INVS: variants seen among roughly 807,000 people sequenced by gnomAD.
INVS encodes inversion of embryo turning homolog.
INVS carries 86 observed loss-of-function variants against 108.8 expected under a neutral mutation model. The ratio of observed to expected loss-of-function variants is 0.79; its 90% CI spans 0.66 to 0.95. The LOEUF is 0.95. Ranked by LOEUF, INVS falls within the 40% of genes least tolerant of loss-of-function variation. INVS has a pLI of 0.00. For synonymous variants in INVS, 455 were observed against 473.5 expected, an observed-to-expected ratio of 0.96 and a Z score of 0.51; for missense variants, 1,169 against 1,297.4, an observed-to-expected ratio of 0.90 and a Z score of 1.52.
intron 2 of INVS, among the ~76,000 whole-genome samples, chr9:100,106,174 GGTATCTAC>G (rs1246256388): frequency 1.3e-5 from 2 of 151,974 alleles, no homozygotes; most frequent in Middle Eastern, 3.2e-3. Context: ...CTTTCAGTAT[GGTATCTAC>G]AAATCTACCT....
At chr9:100,125,206 T>C (rs1827845239) in intron 2 of INVS, among the ~76,000 whole-genome samples, 1 of 152,220 alleles carries the variant, frequency 6.6e-6, no homozygotes, top group Non-Finnish European at 1.5e-5. Flanking sequence ...TACTACCTCA[T>C]TGCTATCCTT....
chr9:100,207,674 C>G (rs1418772467), intron 3 of INVS, among the ~76,000 whole-genome samples: 1 of 152,170 alleles, frequency 6.6e-6, no homozygotes, highest in Admixed American at 6.5e-5. Context: ...CAAATCCTCT[C>G]TCTTTTTAAA....
At chr9:100,205,345 A>T (rs1331972995) in intron 3 of INVS, among the ~76,000 whole-genome samples, 1 of 152,072 alleles carries the variant, frequency 6.6e-6, no homozygotes, top group East Asian at 1.9e-4. Flanking sequence ...TGTCATTTGG[A>T]TCAATAGTAA....
At chr9:100,298,179 C>T in intron 16 of INVS, 169 bp downstream of exon 16, 1 of 1,515,682 alleles carries the variant, frequency 6.6e-7, no homozygotes, top group Non-Finnish European at 8.8e-7. Context: ...CCCTAAGAGG[C>T]AAATTATTTT....
chr9:100,282,616 A>G (rs1293202663), intron 12 of INVS, among the ~76,000 whole-genome samples: 1 of 152,320 alleles, frequency 6.6e-6, no homozygotes, highest in South Asian at 2.1e-4. Flanking sequence ...AGTCCATAGC[A>G]GTCTGGATTC....
At chr9:100,219,296 C>T (rs779307947) in intron 3 of INVS, among the ~76,000 whole-genome samples, 2 of 152,120 alleles carry the variant, frequency 1.3e-5, no homozygotes, top group Admixed American at 6.6e-5. Flanking sequence ...CACCTCAATT[C>T]GGGAAATGCA....
chr9:100,201,610 T>C (rs936245956), intron 3 of INVS, among the ~76,000 whole-genome samples: 7 of 152,332 alleles, frequency 4.6e-5, no homozygotes, highest in African/African-American at 1.7e-4. Flanking sequence ...CTCAACCACT[T>C]GCTAATTATA....
At chr9:100,273,488 G>C (rs1180581685) in intron 12 of INVS, among the ~76,000 whole-genome samples, 1 of 139,818 alleles carries the variant, frequency 7.2e-6, no homozygotes, top group Non-Finnish European at 1.5e-5. Flanking sequence ...GTTTTAATTT[G>C]ATTAAAGCAA....
At chr9:100,270,789 G>A (rs1832930490) in intron 11 of INVS, among the ~76,000 whole-genome samples, 1 of 150,114 alleles carries the variant, frequency 6.7e-6, no homozygotes, top group Admixed American at 6.7e-5. Flanking sequence ...AGCCTTGGTG[G>A]TACATGCCCG....
At chr9:100,194,522 T>C (rs1830317569) in intron 3 of INVS, among the ~76,000 whole-genome samples, 1 of 152,076 alleles carries the variant, frequency 6.6e-6, no homozygotes, top group Non-Finnish European at 1.5e-5. Flanking sequence ...TTCAAATCTT[T>C]ATGCCCTTCT....
At position 100,292,902 on chromosome 9, in the gene INVS, G is replaced by A; in HGVS notation, c.2645G>A (p.Gly882Asp). The change falls in exon 14 of 17, where the codon GGT (glycine) becomes GAT (aspartate). Residue 882 changes from glycine to aspartate, a missense_variant. Around this residue, in one of 3 missense-constraint regions of INVS, gnomAD observed 533 missense variants for 536.0 expected, o/e 0.99. Coordinates refer to ENST00000262457, the MANE Select transcript of INVS (RefSeq NM_014425.5). Reference sequence around the variant, plus strand: ...TCTAAGGAGACTGATCCAGCACCTGGTCCCCTCTCTGGGCAGAGTGTGAAT... The same window carrying A: ...TCTAAGGAGACTGATCCAGCACCTGATCCCCTCTCTGGGCAGAGTGTGAAT... Reference protein sequence around the residue: ...QVSKETDPAPGPLSGQSVNID... With the variant: ...QVSKETDPAPDPLSGQSVNID... 1 of 1,614,108 alleles carries A rather than the reference G, an allele frequency of 6.2e-7. No homozygotes were observed. Among genetic ancestry groups the A allele is most frequent in the African/African-American group, 1.3e-5 (1 of 75,034 alleles).
chr9:100,225,232 T>TAG (rs1831278845), intron 3 of INVS, among the ~76,000 whole-genome samples: 1 of 150,512 alleles, frequency 6.6e-6, no homozygotes, highest in Non-Finnish European at 1.5e-5. Context: ...TAATTTTTCG[T>TAG]AGAGATGGGG....
At chr9:100,264,978 T>C in intron 11 of INVS, 50 bp downstream of exon 11, 1 of 1,264,798 alleles carries the variant, frequency 7.9e-7, no homozygotes, top group Non-Finnish European at 1.2e-6. Flanking sequence ...CTTCTCGCCC[T>C]GTCACTCAGG....
intron 10 of INVS, among the ~76,000 whole-genome samples, chr9:100,260,293 G>A (rs538197993): frequency 3.4e-5 from 5 of 148,776 alleles, no homozygotes; most frequent in Admixed American, 2.0e-4. Flanking sequence ...AGGTTCAAGC[G>A]ATTCTTCTGC....
intron 12 of INVS, 62 bp downstream of exon 12, chr9:100,273,138 T>G: frequency 8.1e-7 from 1 of 1,230,814 alleles, no homozygotes; most frequent in Non-Finnish European, 1.2e-6. Flanking sequence ...AGTGGGGGTG[T>G]GGGGGGTGCT....
intron 3 of INVS, among the ~76,000 whole-genome samples, chr9:100,141,884 G>T (rs140623227): frequency 6.6e-6 from 1 of 152,184 alleles, no homozygotes; most frequent in African/African-American, 2.4e-5. Flanking sequence ...AATAGAATGG[G>T]CCTGTGAGGC....
At chr9:100,261,974 T>C (rs1832638643) in intron 10 of INVS, among the ~76,000 whole-genome samples, 1 of 152,164 alleles carries the variant, frequency 6.6e-6, no homozygotes, top group African/African-American at 2.4e-5. Context: ...AAATACTATT[T>C]ATGCATTTAT....
rs188684088 is a variant in INVS, at chr9:100,273,694, C to T, written c.1784+618C>T. Among the ~76,000 whole-genome samples, 487 of 151,742 alleles carry T rather than the reference C, an allele frequency of 3.2e-3. 3 individuals are homozygous for T. The highest frequency in any genetic ancestry group is 0.011 in the African/African-American group (458 of 41,382). On this transcript the variant is annotated intron_variant, in intron 12 of 16. Coordinates refer to ENST00000262457, the MANE Select transcript of INVS (RefSeq NM_014425.5). ...CTGGGACTACAGGCGCGCGCCACCA[C>T]ACCCGGGTAATTTTTGTATTTTTAG...
chr9:100,147,955 AG>A (rs2118971675), intron 3 of INVS, among the ~76,000 whole-genome samples: 1 of 149,178 alleles, frequency 6.7e-6, no homozygotes, highest in African/African-American at 2.5e-5. Context: ...AGGCCAAAAC[AG>A]GGGGATTGCT....
Sources: allele counts gnomAD v4.1 joint callset (sites outside exome capture counted in the v4.1 genomes callset), GRCh38; gene constraint gnomAD v4.1.1; regional missense constraint gnomAD v4.1.1; transcripts MANE v1.5; gene names NCBI Gene and HGNC (gene_info 2026-07-23, HGNC 2026-07-21).